THSD7A: variants seen among roughly 807,000 people sequenced by gnomAD.
The protein encoded by THSD7A is thrombospondin type-1 domain-containing protein 7A.
In THSD7A, 96 loss-of-function variants were observed where a neutral mutation model predicts 231.3. That is an observed-to-expected ratio of 0.41 (90% CI 0.35 to 0.49). The LOEUF (loss-of-function observed/expected upper bound fraction) is 0.49. Ranked by LOEUF, THSD7A falls within the 20% of genes least tolerant of loss-of-function variation. The pLI is 0.05. For synonymous variants in THSD7A, 940 were observed against 743.3 expected, an observed-to-expected ratio of 1.26 and a Z score of -4.30; for missense variants, 2,290 against 2,070.2, an observed-to-expected ratio of 1.11 and a Z score of -2.06.
At chr7:11,526,530 T>C (rs1337246290) in intron 6 of THSD7A, among the ~76,000 whole-genome samples, 1 of 152,212 alleles carries the variant, frequency 6.6e-6, no homozygotes, top group Non-Finnish European at 1.5e-5. Context: ...CAGGGGCTGC[T>C]ATTATTAATG....
At chr7:11,668,220 C>G (rs1205140392) in intron 1 of THSD7A, among the ~76,000 whole-genome samples, 1 of 152,118 alleles carries the variant, frequency 6.6e-6, no homozygotes, top group Non-Finnish European at 1.5e-5. Flanking sequence ...AGGCCGAGAC[C>G]TTCCTGGCCA....
At chr7:11,500,436 C>A (rs1787283233) in intron 6 of THSD7A, among the ~76,000 whole-genome samples, 1 of 152,028 alleles carries the variant, frequency 6.6e-6, no homozygotes, top group East Asian at 1.9e-4. Context: ...GCTAACAGCA[C>A]AATGATAGGG....
chr7:11,379,032 T>C, intron 26 of THSD7A, 38 bp downstream of exon 26: 1 of 1,602,626 alleles, frequency 6.2e-7, no homozygotes, highest in Non-Finnish European at 8.5e-7. Context: ...CTAAAAGAAC[T>C]AAAGGTTTCT....
intron 23 of THSD7A, among the ~76,000 whole-genome samples, chr7:11,383,518 T>A (rs1485441318): frequency 6.6e-6 from 1 of 151,930 alleles, no homozygotes; most frequent in South Asian, 2.1e-4. Context: ...ATATTGCCCA[T>A]TTTTTTCCTG....
intron 6 of THSD7A, among the ~76,000 whole-genome samples, chr7:11,530,882 G>C (rs1788680840): frequency 6.6e-6 from 1 of 152,056 alleles, no homozygotes; most frequent in South Asian, 2.1e-4. Context: ...ATGGTCGCGG[G>C]TGTCTGTAAT....
At chr7:11,574,704 G>C (rs1790810577) in intron 4 of THSD7A, among the ~76,000 whole-genome samples, 1 of 151,922 alleles carries the variant, frequency 6.6e-6, no homozygotes, top group African/African-American at 2.4e-5. Context: ...CCAAAGTGCT[G>C]GGATTACAGG....
At chr7:11,765,071 G>T (rs1687187296) in intron 1 of THSD7A, among the ~76,000 whole-genome samples, 1 of 150,820 alleles carries the variant, frequency 6.6e-6, no homozygotes, top group Non-Finnish European at 1.5e-5. Context: ...TATTAAAAGT[G>T]ATAATTCAAA....
chr7:11,454,941 C>T (rs1003211745), intron 11 of THSD7A, among the ~76,000 whole-genome samples: 1 of 151,940 alleles, frequency 6.6e-6, no homozygotes, highest in African/African-American at 2.4e-5. Flanking sequence ...TCGGATCCTG[C>T]ACTATTGCTA....
At chr7:11,812,104 ATT>A (rs1491287902) in intron 1 of THSD7A, among the ~76,000 whole-genome samples, 3 of 103,472 alleles carry the variant, frequency 2.9e-5, no homozygotes, top group Non-Finnish European at 4.0e-5. Context: ...AGAAAAGAAA[ATT>A]GTGTGTGTGT....
chr7:11,417,337 C>T, intron 17 of THSD7A, 113 bp downstream of exon 17: 1 of 1,102,916 alleles, frequency 9.1e-7, no homozygotes, highest in Non-Finnish European at 1.3e-6. Context: ...CTAAATATGG[C>T]AAACAAACAG....
At chr7:11,598,452 G>A (rs933437211) in intron 2 of THSD7A, among the ~76,000 whole-genome samples, 3 of 152,120 alleles carry the variant, frequency 2.0e-5, no homozygotes, top group Non-Finnish European at 4.4e-5. Context: ...GTGGGCCCAC[G>A]AACAAAGGGG....
intron 2 of THSD7A, among the ~76,000 whole-genome samples, chr7:11,613,039 G>C (rs1288786780): frequency 6.6e-6 from 1 of 152,068 alleles, no homozygotes; most frequent in Admixed American, 6.6e-5. Context: ...ATGTCATTAT[G>C]TCAATAAAAT....
intron 6 of THSD7A, among the ~76,000 whole-genome samples, chr7:11,498,574 G>A (rs867285872): frequency 5.3e-5 from 8 of 152,120 alleles, no homozygotes; most frequent in African/African-American, 9.7e-5. Context: ...TGAAGTGACC[G>A]GGGGCTGAAG....
chr7:11,588,820 T>C (rs1780028994), intron 4 of THSD7A, among the ~76,000 whole-genome samples: 1 of 152,200 alleles, frequency 6.6e-6, no homozygotes, highest in Non-Finnish European at 1.5e-5. Flanking sequence ...GCCATTAAAG[T>C]GGCCAAGAAA....
intron 11 of THSD7A, among the ~76,000 whole-genome samples, chr7:11,448,920 C>G (rs1333322175): frequency 6.6e-6 from 1 of 151,956 alleles, no homozygotes; most frequent in African/African-American, 2.4e-5. Flanking sequence ...TATGAAAATC[C>G]TGGTAGGGTG....
At chr7:11,713,993 C>T (rs531249853) in intron 1 of THSD7A, among the ~76,000 whole-genome samples, 10 of 151,152 alleles carry the variant, frequency 6.6e-5, no homozygotes, top group East Asian at 2.0e-4. Flanking sequence ...CATCAGAGTG[C>T]GTCATATACA....
chr7:11,508,052 A>C (rs1787630356), intron 6 of THSD7A, among the ~76,000 whole-genome samples: 1 of 152,166 alleles, frequency 6.6e-6, no homozygotes, highest in Non-Finnish European at 1.5e-5. Context: ...AGAGCAGGAA[A>C]AACTGCCATT....
chr7:11,431,763 TTGTTGA>T (rs1432293025), intron 13 of THSD7A, among the ~76,000 whole-genome samples: 1 of 152,156 alleles, frequency 6.6e-6, no homozygotes, highest in African/African-American at 2.4e-5. Flanking sequence ...TGTGTCAAAT[TTGTTGA>T]TCAACTTGGA....
chr7:11,535,952 T>A (rs1467964000), intron 6 of THSD7A, among the ~76,000 whole-genome samples: 1 of 152,186 alleles, frequency 6.6e-6, no homozygotes. Flanking sequence ...TGTTTATCAT[T>A]AATAAATGAT....
Sources: allele counts gnomAD v4.1 joint callset (sites outside exome capture counted in the v4.1 genomes callset), GRCh38; gene constraint gnomAD v4.1.1; transcripts MANE v1.5; gene names NCBI Gene and HGNC (gene_info 2026-07-23, HGNC 2026-07-21).